SLC9A9: variants seen among roughly 807,000 people sequenced by gnomAD.
SLC9A9 encodes the protein sodium/hydrogen exchanger 9.
In SLC9A9, 62 loss-of-function variants were observed where a neutral mutation model predicts 77.8. That is an observed-to-expected ratio of 0.80 (90% CI 0.65 to 0.98). SLC9A9 has a LOEUF of 0.98. Among genes scored for constraint, SLC9A9 ranks in the 50% least tolerant of loss-of-function variants. The pLI is 0.00. For missense variants in SLC9A9, 775 were observed against 774.9 expected, an observed-to-expected ratio of 1.00 and a Z score of 0.00; for synonymous variants, 320 against 283.5, an observed-to-expected ratio of 1.13 and a Z score of -1.29.
chr3:143,641,385 CTTTTTTTTTTTTTTT>C (rs529425639), intron 6 of SLC9A9, among the ~76,000 whole-genome samples: 1 of 78,820 alleles, frequency 1.3e-5, no homozygotes, highest in South Asian at 5.8e-4. Flanking sequence ...TTGTCACAGT[CTTTTTTTTTTTTTTT>C]TTTTTTTTTG....
intron 4 of SLC9A9, among the ~76,000 whole-genome samples, chr3:143,713,000 C>T (rs1014295891): frequency 5.9e-5 from 9 of 152,028 alleles, no homozygotes; most frequent in African/African-American, 2.2e-4. Context: ...ATCTCAGATC[C>T]CCCTGAAGAA....
chr3:143,268,515 C>T (rs1202266652), intron 15 of SLC9A9, among the ~76,000 whole-genome samples: 4 of 151,946 alleles, frequency 2.6e-5, no homozygotes, highest in African/African-American at 7.3e-5. Flanking sequence ...AGGTGGATCA[C>T]GAGGTCAGGA....
intron 9 of SLC9A9, among the ~76,000 whole-genome samples, chr3:143,516,637 GAC>G (rs2036207429): frequency 6.6e-6 from 1 of 152,070 alleles, no homozygotes; most frequent in African/African-American, 2.4e-5. Context: ...CATTACTGAT[GAC>G]AGAGTCTCCT....
rs181531534 is a variant in SLC9A9 at position 143,553,125 on chromosome 3, G to T, written c.1001-675C>A. ...TTCTTGTGTGATTCCTACCAACAGT[G>T]GACCTTCAGTTGCTTCTTGACATCT... On this transcript the variant is annotated intron_variant, in intron 8 of 15. Transcript: ENST00000316549. Among the ~76,000 whole-genome samples, 301 of 152,268 alleles carry T rather than the reference G, an allele frequency of 2.0e-3. 1 individual carries two copies. Among genetic ancestry groups the T allele is most frequent in the African/African-American group, 6.0e-3 (249 of 41,532 alleles).
chr3:143,377,570 A>G (rs957169765), intron 13 of SLC9A9, among the ~76,000 whole-genome samples: 1 of 152,216 alleles, frequency 6.6e-6, no homozygotes, highest in African/African-American at 2.4e-5. Flanking sequence ...CCAGAATTTC[A>G]ATGAAGGGAC....
intron 14 of SLC9A9, among the ~76,000 whole-genome samples, chr3:143,293,559 G>T (rs1361695914): frequency 6.6e-6 from 1 of 152,134 alleles, no homozygotes; most frequent in Non-Finnish European, 1.5e-5. Flanking sequence ...GTACTTATAG[G>T]AAAGAGGACT....
At chr3:143,734,607 A>G (rs1384788585) in intron 4 of SLC9A9, among the ~76,000 whole-genome samples, 1 of 151,784 alleles carries the variant, frequency 6.6e-6, no homozygotes, top group African/African-American at 2.4e-5. Flanking sequence ...TGTGGCAAGC[A>G]CCTGTAGTCC....
At chr3:143,557,555 G>T (rs1469988019) in intron 8 of SLC9A9, among the ~76,000 whole-genome samples, 1 of 152,180 alleles carries the variant, frequency 6.6e-6, no homozygotes, top group Admixed American at 6.5e-5. Context: ...GGAAAGTTTG[G>T]AACTTCCTAG....
At chr3:143,598,364 TGTG>T (rs2037792488) in intron 6 of SLC9A9, among the ~76,000 whole-genome samples, 2 of 152,228 alleles carry the variant, frequency 1.3e-5, no homozygotes, top group African/African-American at 2.4e-5. Flanking sequence ...ATTAAGGAGA[TGTG>T]TCTAAAAGTC....
At chr3:143,565,311 GT>G (rs1021314101) in intron 8 of SLC9A9, among the ~76,000 whole-genome samples, 5 of 152,148 alleles carry the variant, frequency 3.3e-5, no homozygotes, top group African/African-American at 1.2e-4. Context: ...GCATCCACAT[GT>G]TATTTGTGCC....
intron 14 of SLC9A9, among the ~76,000 whole-genome samples, chr3:143,276,522 C>T (rs1439756736): frequency 6.6e-6 from 1 of 152,118 alleles, no homozygotes; most frequent in Non-Finnish European, 1.5e-5. Flanking sequence ...CTAGGAATTG[C>T]ATTTTATCTG....
chr3:143,472,749 T>A (rs1389834712), intron 11 of SLC9A9, among the ~76,000 whole-genome samples: 1 of 152,246 alleles, frequency 6.6e-6, no homozygotes, highest in Non-Finnish European at 1.5e-5. Context: ...ATTTTCTGAT[T>A]CTTCAATAAT....
intron 1 of SLC9A9, among the ~76,000 whole-genome samples, chr3:143,839,191 T>C (rs912422800): frequency 3.9e-5 from 6 of 152,166 alleles, no homozygotes; most frequent in African/African-American, 1.4e-4. Flanking sequence ...AAGGAAACTA[T>C]AGGTCTTGCT....
chr3:143,705,523 A>C, intron 4 of SLC9A9, among the ~76,000 whole-genome samples: 1 of 152,246 alleles, frequency 6.6e-6, no homozygotes, highest in East Asian at 1.9e-4. Context: ...TGATGTGATT[A>C]TTATGCATTG....
intron 14 of SLC9A9, among the ~76,000 whole-genome samples, chr3:143,329,788 C>T (rs1226980532): frequency 3.9e-5 from 6 of 152,172 alleles, no homozygotes; most frequent in Admixed American, 2.6e-4. Context: ...GGAGCCCAAG[C>T]CCCCAGGCCA....
chr3:143,790,904 G>A (rs1201577230), intron 4 of SLC9A9, among the ~76,000 whole-genome samples: 10 of 152,074 alleles, frequency 6.6e-5, no homozygotes, highest in Admixed American at 1.3e-4. Context: ...GAAACTAAGA[G>A]CATATAATTT....
Position 143,848,291 on chromosome 3 carries a change from T to G in SLC9A9, c.32A>C (p.Lys11Thr), listed in dbSNP as rs748350825. The change falls in exon 1 of 16, where the codon AAG (lysine) becomes ACG (threonine). Residue 11 changes from lysine to threonine, a missense_variant. By Grantham distance (78) the Lys-to-Thr change is moderately conservative. Transcript: ENST00000316549. ...CTGATGTTGAAACTGATACTCATCC[T>G]TTTCTGACATAACCCTTGACTGTCT... MERQSRVMSE[K>T]DEYQFQHQGA... 1.9e-6 allele frequency: 3 copies of G among 1,614,024 alleles called. No homozygotes were observed. The South Asian group carries it at 3.3e-5, about 18-fold the overall frequency.
chr3:143,778,924 T>C (rs2007783205), intron 4 of SLC9A9, among the ~76,000 whole-genome samples: 1 of 152,184 alleles, frequency 6.6e-6, no homozygotes, highest in Non-Finnish European at 1.5e-5. Flanking sequence ...TCTCTAGAGA[T>C]TACCCACATT....
chr3:143,807,893 A>G (rs1192385704), intron 2 of SLC9A9, among the ~76,000 whole-genome samples: 1 of 152,220 alleles, frequency 6.6e-6, no homozygotes, highest in Non-Finnish European at 1.5e-5. Flanking sequence ...CTGGGAGGTG[A>G]TCCCAAATGG....
Sources: allele counts gnomAD v4.1 joint callset (sites outside exome capture counted in the v4.1 genomes callset), GRCh38; gene constraint gnomAD v4.1.1; transcripts MANE v1.5; gene names NCBI Gene and HGNC (gene_info 2026-07-23, HGNC 2026-07-21).